LINC00632: variants seen among roughly 807,000 people sequenced by gnomAD.
The protein encoded by LINC00632 is long independently transcribed non-coding RNA 632.
intron 3 of LINC00632, among the ~76,000 whole-genome samples, chrX:140,740,242 A>C (rs369830321): frequency 1.8e-5 from 2 of 111,833 alleles, no homozygotes; most frequent in Admixed American, 9.6e-5. Flanking sequence ...GTTTTTCTTC[A>C]TAAGTAAGCT....
exon 5 of LINC00632, among the ~76,000 whole-genome samples, chrX:140,782,242 A>G (rs1481397425): frequency 3.6e-5 from 4 of 111,982 alleles, no homozygotes; most frequent in African/African-American, 9.7e-5. Context: ...TATTGCTACT[A>G]TCTTTCAGCA....
rs766143978 is a variant in LINC00632, at chrX:140,711,277, T to C, written n.69-344T>C. ...AAAAATTACCCATAATCCCGTAACT[T>C]AGAGATAATTACTATTAATCTTATT... On this transcript the variant is annotated intron_variant and non_coding_transcript_variant, in intron 1 of 4. Transcript: ENST00000648200. 7.2e-5 allele frequency among the ~76,000 whole-genome samples: 8 copies of C among 111,689 alleles called. No individual in the cohort carries two copies. In the South Asian group the frequency reaches 2.6e-3, roughly 37 times the overall value.
chrX:140,764,997 T>C (rs2148398241), intron 3 of LINC00632, among the ~76,000 whole-genome samples: 1 of 111,877 alleles, frequency 8.9e-6, no homozygotes, highest in South Asian at 3.8e-4. Context: ...GGCACCAAGA[T>C]ACTCAGTAAT....
intron 3 of LINC00632, among the ~76,000 whole-genome samples, chrX:140,771,684 TA>T (rs1180318654): frequency 0.034 from 1,377 of 40,448 alleles, 47 homozygotes; most frequent in African/African-American, 0.13. Flanking sequence ...TATATATATA[TA>T]TTTTTTTTTT....
chrX:140,761,898 G>A (rs1602749529), intron 3 of LINC00632, among the ~76,000 whole-genome samples: 7 of 111,345 alleles, frequency 6.3e-5, no homozygotes, highest in Admixed American at 3.8e-4. Flanking sequence ...GAATAGAACT[G>A]GAAATGTAGA....
At chrX:140,754,259 T>C (rs193017591) in intron 3 of LINC00632, among the ~76,000 whole-genome samples, 1 of 111,691 alleles carries the variant, frequency 9.0e-6, no homozygotes, top group East Asian at 2.8e-4. Context: ...CCCATGGTTC[T>C]AATTAAACTG....
At chrX:140,744,861 G>A (rs1289315832) in intron 3 of LINC00632, among the ~76,000 whole-genome samples, 1 of 110,550 alleles carries the variant, frequency 9.0e-6, no homozygotes, top group Non-Finnish European at 1.9e-5. Flanking sequence ...GGGATTACAG[G>A]CATGAGCCAC....
At chrX:140,789,428 CTATTATT>C (rs781074568) in exon 5 of LINC00632, among the ~76,000 whole-genome samples, 4 of 110,443 alleles carry the variant, frequency 3.6e-5, no homozygotes, top group Non-Finnish European at 7.6e-5. Flanking sequence ...TCTTTACAAT[CTATTATT>C]TATTTAATTC....
intron 3 of LINC00632, among the ~76,000 whole-genome samples, chrX:140,770,840 C>T (rs937936065): frequency 2.3e-4 from 26 of 111,830 alleles, no homozygotes; most frequent in African/African-American, 8.4e-4. Flanking sequence ...TGATATGAGT[C>T]GTAGTATGGA....
chrX:140,724,210 TACACAGACACATTCCATACAC>T (rs1478778432), intron 2 of LINC00632, among the ~76,000 whole-genome samples: 3 of 60,854 alleles, frequency 4.9e-5, no homozygotes, highest in East Asian at 6.1e-4. Flanking sequence ...ACACATTCCA[TACACAGACACATTCCATACAC>T]ACACAGACAC....
intron 2 of LINC00632, among the ~76,000 whole-genome samples, chrX:140,732,612 A>C (rs1384443362): frequency 3.6e-5 from 4 of 111,908 alleles, no homozygotes; most frequent in Non-Finnish European, 7.5e-5. Context: ...TACATGTGCC[A>C]GTGTAGGTAT....
At chrX:140,770,855 T>G (rs1236515860) in intron 3 of LINC00632, among the ~76,000 whole-genome samples, 1 of 112,194 alleles carries the variant, frequency 8.9e-6, no homozygotes, top group East Asian at 2.8e-4. Context: ...TATGGATTGG[T>G]AGACGAACAA....
intron 2 of LINC00632, among the ~76,000 whole-genome samples, chrX:140,725,624 C>T (rs1312298439): frequency 8.9e-6 from 1 of 111,955 alleles, no homozygotes; most frequent in African/African-American, 3.2e-5. Flanking sequence ...CACATGAACA[C>T]TGAACCACAC....
rs771767955 is a variant in LINC00632, at chrX:140,787,314, C to A, written n.15333C>A. On this transcript the variant is annotated non_coding_transcript_exon_variant, in exon 5 of 5. Transcript: ENST00000648200. ...AATCATACTGCAATTTAACCTATTTCTTTCTTACACTTAATAAATTGTGAA... is the reference window on the plus strand; with the variant it reads ...AATCATACTGCAATTTAACCTATTTATTTCTTACACTTAATAAATTGTGAA... Among the ~76,000 whole-genome samples the A allele has an allele frequency of 1.5e-4, 17 of 111,564 alleles. 1 individual carries two copies. The highest frequency in any genetic ancestry group is 1.2e-3 in the Admixed American group (13 of 10,421).
intron 3 of LINC00632, chrX:140,771,977 G>T (rs754136190): frequency 2.1e-4 from 44 of 214,147 alleles, no homozygotes; most frequent in African/African-American, 1.3e-3. Context: ...ACCATGCCCG[G>T]CCCTGGCATA....
intron 3 of LINC00632, among the ~76,000 whole-genome samples, chrX:140,734,130 C>T (rs1382211993): frequency 9.0e-6 from 1 of 111,278 alleles, no homozygotes; most frequent in African/African-American, 3.2e-5. Context: ...AAATCTTTCT[C>T]TCTAACTTTT....
chrX:140,747,481 G>C (rs966824453), intron 3 of LINC00632, among the ~76,000 whole-genome samples: 10 of 99,610 alleles, frequency 1.0e-4, no homozygotes, highest in Non-Finnish European at 2.0e-4. Context: ...AGTGAGCTGA[G>C]ATCGCGCCAT....
At chrX:140,775,159 C>T (rs1931855994) in exon 5 of LINC00632, among the ~76,000 whole-genome samples, 1 of 111,595 alleles carries the variant, frequency 9.0e-6, no homozygotes, top group Admixed American at 9.6e-5. Context: ...ATCTGGCCTC[C>T]TCAGTGATTT....
exon 5 of LINC00632, among the ~76,000 whole-genome samples, chrX:140,779,045 T>G (rs1931905313): frequency 8.9e-6 from 1 of 111,957 alleles, no homozygotes; most frequent in Non-Finnish European, 1.9e-5. Context: ...TAGAAGTTAA[T>G]GACAACACTG....
Sources: gnomAD v4.1 joint callset for allele counts (sites outside exome capture counted in the v4.1 genomes callset) on GRCh38, gnomAD v4.1.1 for gene constraint, MANE v1.5 for transcripts, NCBI Gene and HGNC (gene_info 2026-07-23, HGNC 2026-07-21) for gene names.